Variants in LRP1B observed in about 807,000 individuals in gnomAD.
LRP1B encodes the protein LDL receptor related protein 1B.
LRP1B carries 217 observed loss-of-function variants against 556.6 expected under a neutral mutation model. The observed-to-expected ratio is 0.39, with a 90% CI of 0.35 to 0.44. The LOEUF is 0.44. LRP1B is among the 20% of genes least tolerant of loss of function. The pLI is 1.00. For missense variants in LRP1B, 5,053 were observed against 5,620.8 expected (o/e 0.90, Z 3.23); for synonymous variants, 2,047 against 1,865.8 (o/e 1.10, Z -2.50).
At chr2:140,833,562 G>C (rs1438654513) in intron 31 of LRP1B, among the ~76,000 whole-genome samples, 2 of 152,158 alleles carry the variant, frequency 1.3e-5, no homozygotes, top group Non-Finnish European at 2.9e-5. Context: ...TTTGTTGCCA[G>C]ATACATGCTC....
At chr2:140,976,994 T>C (rs4954867) in intron 18 of LRP1B, among the ~76,000 whole-genome samples, 107,352 of 152,152 alleles carry the variant, frequency 0.71, 38,930 homozygotes, top group Non-Finnish European at 0.78. Flanking sequence ...AGAACAATCA[T>C]ACTTGACTAT....
At chr2:141,771,510 A>G (rs919361225) in intron 2 of LRP1B, among the ~76,000 whole-genome samples, 1 of 152,216 alleles carries the variant, frequency 6.6e-6, no homozygotes, top group Non-Finnish European at 1.5e-5. Context: ...ACAGTGAACT[A>G]AAATTGCATT....
chr2:141,508,303 C>T (rs1188057375), intron 2 of LRP1B, among the ~76,000 whole-genome samples: 2 of 152,092 alleles, frequency 1.3e-5, no homozygotes, highest in East Asian at 3.9e-4. Flanking sequence ...TGACTCATCT[C>T]AAATGGCTGT....
intron 77 of LRP1B, among the ~76,000 whole-genome samples, chr2:140,338,374 G>C (rs1026755520): frequency 1.3e-5 from 2 of 151,702 alleles, no homozygotes; most frequent in Admixed American, 6.6e-5. Context: ...ACACTGAAGA[G>C]AGAATAACAA....
intron 37 of LRP1B, among the ~76,000 whole-genome samples, chr2:140,706,147 G>A (rs537106702): frequency 9.3e-4 from 142 of 152,200 alleles, no homozygotes; most frequent in African/African-American, 3.3e-3. Context: ...TTAGCAATAG[G>A]AAGAAATGAA....
intron 68 of LRP1B, among the ~76,000 whole-genome samples, chr2:140,373,898 G>A (rs928405663): frequency 2.0e-5 from 3 of 152,146 alleles, no homozygotes; most frequent in Admixed American, 6.6e-5. Flanking sequence ...AGACAAATCT[G>A]TTTTGCATGG....
chr2:142,025,772 GTTGA>G (rs1217895584), intron 1 of LRP1B, among the ~76,000 whole-genome samples: 12 of 152,128 alleles, frequency 7.9e-5, no homozygotes, highest in African/African-American at 2.9e-4. Flanking sequence ...TTATTAAAGA[GTTGA>G]TTGATTAATT....
intron 35 of LRP1B, among the ~76,000 whole-genome samples, chr2:140,760,297 G>A (rs7564286): frequency 6.6e-6 from 1 of 152,076 alleles, no homozygotes; most frequent in Non-Finnish European, 1.5e-5. Flanking sequence ...ACTTCATTTT[G>A]GGAAAGGAAC....
chr2:140,809,271 C>T (rs914470509), intron 32 of LRP1B, among the ~76,000 whole-genome samples: 3 of 151,984 alleles, frequency 2.0e-5, no homozygotes, highest in Non-Finnish European at 4.4e-5. Context: ...AAAAAGATTA[C>T]TTGCTAATAA....
intron 43 of LRP1B, among the ~76,000 whole-genome samples, chr2:140,548,316 A>C (rs1230034031): frequency 6.6e-6 from 1 of 152,196 alleles, no homozygotes; most frequent in African/African-American, 2.4e-5. Context: ...TTACTAATTT[A>C]AGTGTTTTAC....
chr2:141,206,073 T>A (rs113942947), intron 6 of LRP1B, among the ~76,000 whole-genome samples: 2,252 of 152,068 alleles, frequency 0.015, 34 homozygotes, highest in Middle Eastern at 0.034. Context: ...GATATGAAAT[T>A]GTCAAAACCA....
intron 31 of LRP1B, among the ~76,000 whole-genome samples, chr2:140,824,700 T>C (rs1196558643): frequency 6.6e-6 from 1 of 152,164 alleles, no homozygotes; most frequent in African/African-American, 2.4e-5. Flanking sequence ...CACTTTAATA[T>C]GTTTTTTATT....
chr2:140,735,878 A>G (rs560259033), intron 35 of LRP1B, among the ~76,000 whole-genome samples: 1 of 152,166 alleles, frequency 6.6e-6, no homozygotes, highest in Non-Finnish European at 1.5e-5. Flanking sequence ...TAGCTGCACA[A>G]CCAGAAAGGA....
Position 140,861,362 on chromosome 2 carries a change from G to A in LRP1B, c.4579+6228C>T, listed in dbSNP as rs146782578. 2.2e-3 allele frequency among the ~76,000 whole-genome samples: 335 copies of A among 152,272 alleles called. 1 individual carries two copies. Among genetic ancestry groups the A allele is most frequent in the African/African-American group, 7.5e-3 (312 of 41,550 alleles). ...GCGGAGGTTGCAGTGAGCCAAGATC[G>A]TGCCACTGCACTCCAGCCTGAGAGA... is the stretch of plus-strand genomic sequence containing the variant. On this transcript the variant is annotated intron_variant, in intron 27 of 90. Transcript: ENST00000389484.
intron 1 of LRP1B, among the ~76,000 whole-genome samples, chr2:141,963,515 C>G (rs1464261852): frequency 6.6e-6 from 1 of 151,612 alleles, no homozygotes. Flanking sequence ...TCAATAGATG[C>G]AGAAAAAGCC....
At chr2:141,638,059 T>C (rs1242190558) in intron 2 of LRP1B, among the ~76,000 whole-genome samples, 1 of 151,914 alleles carries the variant, frequency 6.6e-6, no homozygotes, top group East Asian at 1.9e-4. Flanking sequence ...AAAATTAGCT[T>C]GGTGTGGTGC....
intron 2 of LRP1B, among the ~76,000 whole-genome samples, chr2:141,499,027 C>T (rs937585552): frequency 3.9e-5 from 6 of 152,074 alleles, no homozygotes; most frequent in Non-Finnish European, 7.4e-5. Flanking sequence ...AATGTCTCTA[C>T]TCTGATCTGA....
At chr2:141,006,785 A>G (rs111583714) in intron 14 of LRP1B, among the ~76,000 whole-genome samples, 3,527 of 152,116 alleles carry the variant, frequency 0.023, 69 homozygotes, top group South Asian at 0.035. Flanking sequence ...ATGCTACGGT[A>G]CTGAATACTG....
At chr2:141,616,759 G>T (rs115534502) in intron 2 of LRP1B, among the ~76,000 whole-genome samples, 1,537 of 152,230 alleles carry the variant, frequency 0.01, 26 homozygotes, top group African/African-American at 0.035. Context: ...TTCTAGTTTC[G>T]TATGTTACTA....
Sources: allele counts gnomAD v4.1 joint callset (sites outside exome capture counted in the v4.1 genomes callset), GRCh38; gene constraint gnomAD v4.1.1; transcripts MANE v1.5; gene names NCBI Gene and HGNC (gene_info 2026-07-23, HGNC 2026-07-21).